ARHGEF10L: variants seen among roughly 807,000 people sequenced by gnomAD.
ARHGEF10L encodes Rho guanine nucleotide exchange factor 10 like.
Under a neutral mutation model 141.2 loss-of-function variants are expected in ARHGEF10L, and 69 were observed. The observed-to-expected ratio is 0.49, with a 90% CI of 0.40 to 0.60. The LOEUF (loss-of-function observed/expected upper bound fraction) is 0.60, where lower values mean the gene tolerates loss of function less well. Ranked by LOEUF, ARHGEF10L falls within the 20% of genes least tolerant of loss-of-function variation. The probability of loss-of-function intolerance (pLI) is 0.00; values close to 1 mark genes in which losing one functional copy is unlikely to be tolerated. For missense variants in ARHGEF10L, 1,482 were observed against 1,734.3 expected (o/e 0.85, Z 2.58); for synonymous variants, 711 against 718.5 (o/e 0.99, Z 0.17).
chr1:17,666,478 C>T (rs1167639889), intron 26 of ARHGEF10L, among the ~76,000 whole-genome samples: 2 of 152,034 alleles, frequency 1.3e-5, no homozygotes, highest in East Asian at 1.9e-4. Context: ...GGCTGGGCAC[C>T]CTTCATGGGC....
chr1:17,656,488 A>T lies in ARHGEF10L; in HGVS notation c.2706-66A>T. On this transcript the variant is annotated intron_variant, in intron 24 of 28. Coordinates refer to ENST00000361221, the MANE Select transcript of ARHGEF10L (RefSeq NM_018125.4). The surrounding 1 kb of genome is among the most constrained non-coding windows in gnomAD (Gnocchi z 4.9). ...CCTGGGGCCCTCTCCCTAGGAGGGC[A>T]TGGGGGCAGTGAGTGGGTGGGAGTG... is the stretch of plus-strand genomic sequence containing the variant. 6.4e-7 allele frequency: 1 copy of T among 1,554,244 alleles called. No homozygotes were observed.
the ARHGEF10L span, among the ~76,000 whole-genome samples, chr1:17,518,598 C>T: frequency 6.6e-6 from 1 of 151,686 alleles, no homozygotes; most frequent in South Asian, 2.1e-4. Flanking sequence ...TTGAGACCAG[C>T]CTAGCCAACA....
chr1:17,634,470 C>A lies in ARHGEF10L; in HGVS notation c.1731-78C>A, dbSNP rs370855592. 1.4e-4 allele frequency: 221 copies of A among 1,612,268 alleles called. No individual in the cohort carries two copies. In the African/African-American group the frequency reaches 2.8e-3, roughly 21 times the overall value. On this transcript the variant is annotated intron_variant, in intron 16 of 28. Transcript: ENST00000361221. ...CCGATGCCCAGCCCCATGGCTGGCC[C>A]CCAGCGGGGTCACAGCCCCCAGATT... is the stretch of plus-strand genomic sequence containing the variant.
chr1:17,555,648 C>T (rs2077276820), intron 1 of ARHGEF10L, among the ~76,000 whole-genome samples: 1 of 152,164 alleles, frequency 6.6e-6, no homozygotes, highest in Non-Finnish European at 1.5e-5. Flanking sequence ...AACCACCACG[C>T]CTGGCCTGTT....
chr1:17,593,648 A>T (rs2079800781), intron 4 of ARHGEF10L, among the ~76,000 whole-genome samples: 1 of 151,460 alleles, frequency 6.6e-6, no homozygotes, highest in African/African-American at 2.4e-5. Context: ...CCCTGCTGAA[A>T]CCTCGCTTTT....
At chr1:17,577,240 T>C (rs1459655903) in intron 1 of ARHGEF10L, among the ~76,000 whole-genome samples, 2 of 152,098 alleles carry the variant, frequency 1.3e-5, no homozygotes, top group Non-Finnish European at 2.9e-5. Context: ...GAGATGGGGT[T>C]TCACCATGTT....
At position 17,619,137 on chromosome 1, in the gene ARHGEF10L, G is replaced by GGAAT. The variant is rs2059969882; in HGVS notation, c.836-200_836-197dup. 6.6e-6 allele frequency among the ~76,000 whole-genome samples: 1 copy of GGAAT among 152,234 alleles called. No homozygotes were observed. The highest frequency in any genetic ancestry group is 2.1e-4 in the South Asian group (1 of 4,810). ...CACTTGCTCACAATTATTCACTGAT[G>GGAAT]GAATGTTCCAGGCCCTGGGACGTAG... On this transcript the variant is annotated intron_variant, in intron 9 of 28. Coordinates refer to ENST00000361221, the MANE Select transcript of ARHGEF10L (RefSeq NM_018125.4). This position sits in a 1 kb window ranked among gnomAD's most constrained non-coding sequence, Gnocchi z 5.0.
At chr1:17,566,793 G>T (rs1029149891) in intron 1 of ARHGEF10L, among the ~76,000 whole-genome samples, 8 of 152,208 alleles carry the variant, frequency 5.3e-5, no homozygotes, top group African/African-American at 1.9e-4. Context: ...GGGACCAAGT[G>T]CTCATCAGCA....
chr1:17,516,743 A>G, the ARHGEF10L span, among the ~76,000 whole-genome samples: 1 of 152,168 alleles, frequency 6.6e-6, no homozygotes. Context: ...AAACCCCAGA[A>G]CAAGGGAACC....
chr1:17,628,654 G>A (rs751864313), intron 15 of ARHGEF10L, among the ~76,000 whole-genome samples: 8 of 152,116 alleles, frequency 5.3e-5, no homozygotes, highest in Non-Finnish European at 1.2e-4. Flanking sequence ...CAAATTTTCT[G>A]GGGAATAAAC....
intron 1 of ARHGEF10L, among the ~76,000 whole-genome samples, chr1:17,576,710 TG>T (rs2078240382): frequency 1.3e-5 from 2 of 152,326 alleles, no homozygotes; most frequent in Non-Finnish European, 2.9e-5. Flanking sequence ...CACCCACTGC[TG>T]GGTCCTCATT....
chr1:17,570,275 G>C (rs1020629477), intron 1 of ARHGEF10L, among the ~76,000 whole-genome samples: 10 of 152,240 alleles, frequency 6.6e-5, no homozygotes, highest in Admixed American at 6.5e-4. Context: ...AGTTGCCAGA[G>C]GTGTTAAATC....
At chr1:17,675,943 G>GGTACAGGTGTGT (rs1236230736) in intron 26 of ARHGEF10L, among the ~76,000 whole-genome samples, 2 of 143,722 alleles carry the variant, frequency 1.4e-5, no homozygotes, top group Non-Finnish European at 3.0e-5. Flanking sequence ...TGCAGTCATG[G>GGTACAGGTGTGT]GTACAGGTGT....
At chr1:17,533,777 T>A in the ARHGEF10L span, among the ~76,000 whole-genome samples, 8 of 152,174 alleles carry the variant, frequency 5.3e-5, no homozygotes, top group Non-Finnish European at 8.8e-5. Context: ...ACCGACTCTA[T>A]CATCCTTATT....
At chr1:17,582,400 T>C (rs1225723599) in intron 2 of ARHGEF10L, among the ~76,000 whole-genome samples, 1 of 152,266 alleles carries the variant, frequency 6.6e-6, no homozygotes, top group Non-Finnish European at 1.5e-5. Context: ...TATTGCTGGC[T>C]AGTATCATCT....
At chr1:17,582,188 T>A (rs932640761) in intron 2 of ARHGEF10L, among the ~76,000 whole-genome samples, 2 of 152,158 alleles carry the variant, frequency 1.3e-5, no homozygotes, top group African/African-American at 2.4e-5. Flanking sequence ...CACCTCCCAA[T>A]TCATGACTGG....
chr1:17,696,929 T>C lies in ARHGEF10L; in HGVS notation c.3389T>C (p.Ile1130Thr), dbSNP rs1357277382. ...AVATSILAPD[I>T]LRSDQEEAEG... ...GCTACCAGCATCCTGGCCCCTGACA[T>C]CCTGCGGAGTGACCAGGAGGAGGCT... The change falls in exon 29 of 29, where the codon ATC becomes ACC. Residue 1130 changes from isoleucine (I) to threonine (T), a missense_variant. Ile to Thr is a moderately conservative substitution (Grantham distance 89). This residue lies in a region of ARHGEF10L where 858 missense variants were observed against 966.3 expected (regional missense o/e 0.89). Transcript: ENST00000361221. 2 of 1,611,476 alleles carry C rather than the reference T, an allele frequency of 1.2e-6. No homozygotes were observed. The highest frequency in any genetic ancestry group is 1.3e-5 in the African/African-American group (1 of 74,892).
chr1:17,676,516 C>T (rs148256862), intron 26 of ARHGEF10L, among the ~76,000 whole-genome samples: 2 of 152,084 alleles, frequency 1.3e-5, no homozygotes, highest in African/African-American at 4.8e-5. Flanking sequence ...CAGGCGAGGC[C>T]TGCAGGCTCC....
the ARHGEF10L span, among the ~76,000 whole-genome samples, chr1:17,534,279 C>T: frequency 1.3e-5 from 2 of 151,954 alleles, no homozygotes; most frequent in East Asian, 1.9e-4. Context: ...CCCGCCTCCA[C>T]GCCCGGCTAA....
Sources: gnomAD v4.1 joint callset for allele counts (sites outside exome capture counted in the v4.1 genomes callset) on GRCh38, gnomAD v4.1.1 for gene constraint, gnomAD v4.1.1 regional missense constraint, Gnocchi (gnomAD v3.1) non-coding constraint, MANE v1.5 for transcripts, NCBI Gene and HGNC (gene_info 2026-07-23, HGNC 2026-07-21) for gene names.